Variants in GALNT13 observed in about 807,000 individuals in gnomAD.
The protein encoded by GALNT13 is UDP-GalNAc:polypeptide N-acetylgalactosaminyltransferase 13.
In GALNT13, 28 loss-of-function variants were observed where a neutral mutation model predicts 64.2. The ratio of observed to expected loss-of-function variants is 0.44; its 90% confidence interval spans 0.32 to 0.60. The LOEUF is 0.60. Among genes scored for constraint, GALNT13 ranks in the 20% least tolerant of loss-of-function variants. GALNT13 has a pLI of 0.05. For synonymous variants in GALNT13, 214 were observed against 224.6 expected (o/e 0.95, Z 0.42); for missense variants, 577 against 669.8 (o/e 0.86, Z 1.53).
At chr2:153,966,665 G>C (rs1346109366) in intron 3 of GALNT13, among the ~76,000 whole-genome samples, 1 of 151,980 alleles carries the variant, frequency 6.6e-6, no homozygotes, top group East Asian at 1.9e-4. Context: ...ACCGCGACCG[G>C]CCCCGGGATT....
chr2:153,473,649 A>T, the GALNT13 span, among the ~76,000 whole-genome samples: 1 of 152,216 alleles, frequency 6.6e-6, no homozygotes, highest in African/African-American at 2.4e-5. Flanking sequence ...CTGCTTCCAC[A>T]GGCTTTCAAA....
chr2:153,473,843 A>G, the GALNT13 span, among the ~76,000 whole-genome samples: 1 of 152,326 alleles, frequency 6.6e-6, no homozygotes, highest in Admixed American at 6.5e-5. Flanking sequence ...TGGATGTTAA[A>G]GAGTCTTCAA....
At chr2:154,379,758 C>T (rs1698178836) in intron 9 of GALNT13, among the ~76,000 whole-genome samples, 1 of 152,032 alleles carries the variant, frequency 6.6e-6, no homozygotes, top group Non-Finnish European at 1.5e-5. Flanking sequence ...TTCTGCAACA[C>T]TGCCTTGCTG....
chr2:153,822,968 T>C, the GALNT13 span, among the ~76,000 whole-genome samples: 1 of 152,172 alleles, frequency 6.6e-6, no homozygotes, highest in Non-Finnish European at 1.5e-5. Flanking sequence ...AGTATTTATA[T>C]AGATCAATAA....
intron 1 of GALNT13, among the ~76,000 whole-genome samples, chr2:153,890,430 A>G (rs1003398106): frequency 6.6e-6 from 1 of 152,040 alleles, no homozygotes; most frequent in Non-Finnish European, 1.5e-5. Flanking sequence ...CCATCAAACC[A>G]GTCACTCAGG....
the GALNT13 span, among the ~76,000 whole-genome samples, chr2:153,132,998 C>T: frequency 3.5e-3 from 531 of 150,886 alleles, 2 homozygotes; most frequent in African/African-American, 0.012. Flanking sequence ...GCTGGGATTA[C>T]GGGCATGGGC....
chr2:153,983,268 G>A (rs1439969797), intron 3 of GALNT13, among the ~76,000 whole-genome samples: 1 of 151,652 alleles, frequency 6.6e-6, no homozygotes, highest in Non-Finnish European at 1.5e-5. Flanking sequence ...CTGATGCAGG[G>A]TCTTATAGTA....
chr2:153,816,991 T>C, the GALNT13 span, among the ~76,000 whole-genome samples: 1 of 152,178 alleles, frequency 6.6e-6, no homozygotes, highest in African/African-American at 2.4e-5. Flanking sequence ...CCATGGAACA[T>C]CAAATGTCTA....
intron 3 of GALNT13, among the ~76,000 whole-genome samples, chr2:154,055,532 G>A (rs1699853927): frequency 6.6e-6 from 1 of 152,070 alleles, no homozygotes; most frequent in African/African-American, 2.4e-5. Context: ...AGATTGCACT[G>A]AATTTCAGCT....
chr2:153,403,305 G>T, the GALNT13 span, among the ~76,000 whole-genome samples: 1 of 151,746 alleles, frequency 6.6e-6, no homozygotes, highest in Admixed American at 6.6e-5. Context: ...CCAGCTGCGT[G>T]CTGGGAGAAC....
At chr2:153,264,694 C>T in the GALNT13 span, among the ~76,000 whole-genome samples, 8,155 of 152,246 alleles carry the variant, frequency 0.054, 775 homozygotes, top group African/African-American at 0.19. Flanking sequence ...GGAGCTAATG[C>T]AGGAACCAAA....
chr2:153,884,807 GTGTGTGTGTGTGTATATATA>G (rs1574041678), intron 1 of GALNT13, among the ~76,000 whole-genome samples: 4 of 107,678 alleles, frequency 3.7e-5, no homozygotes, highest in East Asian at 6.2e-4. Context: ...ATATATATAT[GTGTGTGTGTGTGTATATATA>G]TGTGTGTGTG....
the GALNT13 span, among the ~76,000 whole-genome samples, chr2:153,401,817 T>C: frequency 6.6e-6 from 1 of 152,050 alleles, no homozygotes; most frequent in African/African-American, 2.4e-5. Flanking sequence ...AGCCTATGTG[T>C]GTCTCTGCAC....
the GALNT13 span, among the ~76,000 whole-genome samples, chr2:153,605,025 G>C: frequency 1.1e-4 from 17 of 151,948 alleles, no homozygotes; most frequent in Non-Finnish European, 2.4e-4. Flanking sequence ...ACCAAAATTC[G>C]TATCTCCTGA....
chr2:153,851,190 A>G, the GALNT13 span, among the ~76,000 whole-genome samples: 1 of 152,176 alleles, frequency 6.6e-6, no homozygotes, highest in Non-Finnish European at 1.5e-5. Flanking sequence ...AAAGACAAAG[A>G]TCAAAGTTTC....
rs1306965407 is a variant in GALNT13, at chr2:153,896,404, ATC to A, written c.-176-4530_-176-4529del. ...CAATGTGTAAATTATGAATAAATAT[ATC>A]TTTCATTTAATCTGAATATATAAAT... On this transcript the variant is annotated intron_variant, in intron 1 of 12. Coordinates refer to ENST00000392825, the MANE Select transcript of GALNT13 (RefSeq NM_052917.4). Among the ~76,000 whole-genome samples the A allele has an allele frequency of 2.6e-5, 4 of 151,400 alleles. No individual in the cohort carries two copies. The East Asian group carries it at 5.8e-4, about 22-fold the overall frequency.
At chr2:154,073,150 G>T (rs2105394504) in intron 3 of GALNT13, among the ~76,000 whole-genome samples, 1 of 152,110 alleles carries the variant, frequency 6.6e-6, no homozygotes, top group South Asian at 2.1e-4. Flanking sequence ...CATTTATAAT[G>T]AAATGCAAAG....
intron 10 of GALNT13, 22 bp downstream of exon 10, chr2:154,396,152 TAA>T: frequency 2.0e-6 from 3 of 1,538,230 alleles, no homozygotes; most frequent in Non-Finnish European, 2.6e-6. Flanking sequence ...TTATTTTGGT[TAA>T]GTTATAAATA....
intron 3 of GALNT13, among the ~76,000 whole-genome samples, chr2:154,018,518 A>G (rs1697184532): frequency 6.6e-6 from 1 of 152,178 alleles, no homozygotes; most frequent in Non-Finnish European, 1.5e-5. Context: ...GTATAGGAAA[A>G]AAAACAGAGA....
Sources: allele counts gnomAD v4.1 joint callset (sites outside exome capture counted in the v4.1 genomes callset), GRCh38; gene constraint gnomAD v4.1.1; transcripts MANE v1.5; gene names NCBI Gene and HGNC (gene_info 2026-07-23, HGNC 2026-07-21).